Variants in MGMT observed in about 807,000 individuals in gnomAD.
MGMT encodes the protein methylated-DNA--protein-cysteine methyltransferase.
In MGMT, 14 loss-of-function variants were observed where a neutral mutation model predicts 15.9. The ratio of observed to expected loss-of-function variants is 0.88; its 90% confidence interval spans 0.58 to 1.37. The LOEUF (loss-of-function observed/expected upper bound fraction) is 1.37, where lower values mean the gene tolerates loss of function less well. MGMT is among the 40% of genes most tolerant of loss of function. The pLI is 0.00. For synonymous variants in MGMT, 130 were observed against 118.2 expected (o/e 1.10, Z -0.65); for missense variants, 282 against 268.1 (o/e 1.05, Z -0.36).
intron 2 of MGMT, among the ~76,000 whole-genome samples, chr10:129,646,411 C>T (rs1847389138): frequency 6.6e-6 from 1 of 152,064 alleles, no homozygotes; most frequent in Non-Finnish European, 1.5e-5. Flanking sequence ...GCACCTAAGA[C>T]TCAAATTTAC....
At chr10:129,585,881 C>G (rs756800231) in intron 2 of MGMT, among the ~76,000 whole-genome samples, 1 of 152,042 alleles carries the variant, frequency 6.6e-6, no homozygotes, top group Non-Finnish European at 1.5e-5. Context: ...TAACAACATG[C>G]CAGCATCACT....
intron 3 of MGMT, among the ~76,000 whole-genome samples, chr10:129,735,307 G>T (rs924934431): frequency 1.3e-5 from 2 of 152,120 alleles, no homozygotes; most frequent in African/African-American, 2.4e-5. Flanking sequence ...ATGTGTCAAG[G>T]AATTTATCCA....
intron 2 of MGMT, among the ~76,000 whole-genome samples, chr10:129,608,019 C>T (rs1178502127): frequency 6.6e-6 from 1 of 152,126 alleles, no homozygotes; most frequent in Admixed American, 6.5e-5. Flanking sequence ...TATATCAGTG[C>T]ATGTAATATT....
intron 2 of MGMT, among the ~76,000 whole-genome samples, chr10:129,621,553 G>A (rs1180097693): frequency 6.6e-6 from 1 of 152,210 alleles, no homozygotes; most frequent in Non-Finnish European, 1.5e-5. Context: ...GGGGAACAGG[G>A]ACGCACGAGT....
intron 1 of MGMT, among the ~76,000 whole-genome samples, chr10:129,484,688 T>A (rs1349829775): frequency 6.6e-6 from 1 of 152,204 alleles, no homozygotes; most frequent in African/African-American, 2.4e-5. Context: ...TTGAGAGTTT[T>A]GTTGTGGAGT....
At chr10:129,698,643 G>T (rs1367214237) in intron 2 of MGMT, among the ~76,000 whole-genome samples, 1 of 152,246 alleles carries the variant, frequency 6.6e-6, no homozygotes, top group Non-Finnish European at 1.5e-5. Flanking sequence ...AAGGCTATTT[G>T]AACTCTTTAT....
chr10:129,632,155 T>C (rs1847217335), intron 2 of MGMT, among the ~76,000 whole-genome samples: 2 of 152,388 alleles, frequency 1.3e-5, no homozygotes, highest in South Asian at 2.1e-4. Context: ...TTGTGCCACA[T>C]CCTTAGACAT....
At chr10:129,671,284 T>C (rs1847719615) in intron 2 of MGMT, among the ~76,000 whole-genome samples, 1 of 152,230 alleles carries the variant, frequency 6.6e-6, no homozygotes, top group Non-Finnish European at 1.5e-5. Flanking sequence ...ATACTCCACA[T>C]TTAGTGCTGT....
intron 2 of MGMT, among the ~76,000 whole-genome samples, chr10:129,541,430 C>T (rs972208021): frequency 2.6e-5 from 4 of 152,244 alleles, no homozygotes; most frequent in Non-Finnish European, 4.4e-5. Context: ...GTCAGATTCC[C>T]TGCAGTGCCC....
intron 2 of MGMT, among the ~76,000 whole-genome samples, chr10:129,571,346 A>G (rs1010855131): frequency 2.0e-5 from 3 of 152,240 alleles, no homozygotes; most frequent in South Asian, 2.1e-4. Context: ...AACTTGAAAT[A>G]TATGAATTCA....
At chr10:129,690,398 A>G (rs1847956083) in intron 2 of MGMT, among the ~76,000 whole-genome samples, 1 of 152,194 alleles carries the variant, frequency 6.6e-6, no homozygotes, top group African/African-American at 2.4e-5. Flanking sequence ...CTCATTAATA[A>G]TTCATCAGTC....
At chr10:129,480,913 T>C (rs1197618257) in intron 1 of MGMT, among the ~76,000 whole-genome samples, 1 of 152,252 alleles carries the variant, frequency 6.6e-6, no homozygotes, top group Non-Finnish European at 1.5e-5. Flanking sequence ...ATCAGCAGTC[T>C]CTGCCATTTG....
chr10:129,679,015 G>T (rs1847817575), intron 2 of MGMT, among the ~76,000 whole-genome samples: 1 of 151,552 alleles, frequency 6.6e-6, no homozygotes, highest in African/African-American at 2.4e-5. Flanking sequence ...AGAGGTTGCA[G>T]TGAGCCAAGA....
intron 2 of MGMT, among the ~76,000 whole-genome samples, chr10:129,671,124 C>T (rs1847717290): frequency 6.6e-6 from 1 of 152,192 alleles, no homozygotes; most frequent in African/African-American, 2.4e-5. Flanking sequence ...GGCTGTCAAA[C>T]ACACCCATTA....
chr10:129,513,307 T>G (rs909138719), intron 1 of MGMT, among the ~76,000 whole-genome samples: 4 of 152,198 alleles, frequency 2.6e-5, no homozygotes, highest in African/African-American at 9.7e-5. Context: ...TGGCTATAGA[T>G]AGAGGTGATG....
intron 2 of MGMT, among the ~76,000 whole-genome samples, chr10:129,654,352 A>T (rs953021230): frequency 6.6e-6 from 1 of 152,124 alleles, no homozygotes; most frequent in Non-Finnish European, 1.5e-5. Flanking sequence ...GAGGACCTGC[A>T]CGCGGGGTCG....
intron 2 of MGMT, among the ~76,000 whole-genome samples, chr10:129,686,519 C>T (rs1381538385): frequency 6.6e-6 from 1 of 152,094 alleles, no homozygotes; most frequent in African/African-American, 2.4e-5. Context: ...GGATTACAGG[C>T]GCCCACCACC....
At chr10:129,657,728 C>CACACACACACACACACACACACACA (rs1554874807) in intron 2 of MGMT, among the ~76,000 whole-genome samples, 2 of 136,072 alleles carry the variant, frequency 1.5e-5, no homozygotes, top group Admixed American at 1.4e-4. Flanking sequence ...CACACACACA[C>CACACACACACACACACACACACACA]CCCCTCTCCC....
intron 2 of MGMT, among the ~76,000 whole-genome samples, chr10:129,595,877 A>G (rs1035749616): frequency 1.3e-5 from 2 of 152,230 alleles, no homozygotes; most frequent in African/African-American, 4.8e-5. Context: ...TTTAGAATGT[A>G]CTTCTAATTG....
Sources: gnomAD v4.1 joint callset for allele counts (sites outside exome capture counted in the v4.1 genomes callset) on GRCh38, gnomAD v4.1.1 for gene constraint, MANE v1.5 for transcripts, NCBI Gene and HGNC (gene_info 2026-07-23, HGNC 2026-07-21) for gene names.